DARS1: variants seen among roughly 807,000 people sequenced by gnomAD.
DARS1 encodes aspartyl-tRNA synthetase 1, also known as aspartate--tRNA ligase, cytoplasmic.
A neutral mutation model predicts 68.8 loss-of-function variants in DARS1; 51 were observed. That is an observed-to-expected ratio of 0.74 (90% CI 0.59 to 0.94). The LOEUF is 0.94. Among genes scored for constraint, DARS1 ranks in the 40% least tolerant of loss-of-function variants. The pLI, the probability that DARS1 is intolerant of heterozygous loss-of-function variation, is 0.00. For missense variants in DARS1, 607 were observed against 597.3 expected (o/e 1.02, Z -0.17); for synonymous variants, 203 against 190.4 (o/e 1.07, Z -0.55).
rs529812760 is a variant in DARS1 at position 135,934,322 on chromosome 2, C to CA, written c.424-333dup. Among the ~76,000 whole-genome samples the CA allele has an allele frequency of 4.6e-5, 7 of 152,118 alleles. No individual in the cohort carries two copies. The East Asian group carries it at 1.4e-3, about 29-fold the overall frequency. On this transcript the variant is annotated intron_variant, in intron 5 of 15. Coordinates refer to ENST00000264161, the MANE Select transcript of DARS1 (RefSeq NM_001349.4). ...GCACTGGCTTACGGTCTAGCTATGT[C>CA]AAAAAAGCTATGGTTAGGGGTTGGT... is the stretch of plus-strand genomic sequence containing the variant.
At chr2:135,967,374 T>A (rs1263822695) in intron 3 of DARS1, among the ~76,000 whole-genome samples, 1 of 152,194 alleles carries the variant, frequency 6.6e-6, no homozygotes, top group African/African-American at 2.4e-5. Context: ...GCTGAAATAA[T>A]TATTTTGTGC....
intron 3 of DARS1, among the ~76,000 whole-genome samples, chr2:135,978,481 T>C (rs1185574015): frequency 6.6e-6 from 1 of 152,256 alleles, no homozygotes; most frequent in Non-Finnish European, 1.5e-5. Flanking sequence ...ATGCTTGTTC[T>C]GCCTACTTCA....
In DARS1 at chr2:135,985,592, TCG is replaced by T. The variant is rs1182532128; in HGVS notation, c.-126_-125del. On this transcript the variant is annotated 5_prime_UTR_variant, in exon 1 of 16. Transcript: ENST00000264161. ...GACCCTGGGGTCTCAGCACACGCGC[TCG>T]GACTCCGCGTGGAGGTGCGGCTCCA... 5.2e-6 allele frequency: 8 copies of T among 1,548,974 alleles called. No individual in the cohort carries two copies. Among genetic ancestry groups the T allele is most frequent in the Non-Finnish European group, 7.0e-6 (8 of 1,143,458 alleles).
At position 135,961,468 on chromosome 2, in the gene DARS1, T is replaced by C. The variant is rs1456919065; in HGVS notation, c.248A>G (p.Gln83Arg). 4 of 1,538,566 alleles carry C rather than the reference T, an allele frequency of 2.6e-6. No individual in the cohort carries two copies. Among genetic ancestry groups the C allele is most frequent in the Non-Finnish European group, 3.6e-6 (4 of 1,110,894 alleles). Residue 83 changes from glutamine (Q) to arginine (R), a missense_variant, in exon 4 of 16, where the codon CAG (glutamine) becomes CGG (arginine). By Grantham distance (43) the Gln-to-Arg change is conservative. Coordinates refer to ENST00000264161, the MANE Select transcript of DARS1 (RefSeq NM_001349.4). ...GKQCFLVLRQ[Q>R]QFNVQALVAV... ...CACAAGAGCCTGGACATTAAACTGCTGCTGACGTAGGACTAAGAAGCACTG... is the reference window on the plus strand; with the variant it reads ...CACAAGAGCCTGGACATTAAACTGCCGCTGACGTAGGACTAAGAAGCACTG...
intron 10 of DARS1, among the ~76,000 whole-genome samples, chr2:135,917,027 A>G (rs1177504251): frequency 6.6e-6 from 1 of 152,042 alleles, no homozygotes; most frequent in Non-Finnish European, 1.5e-5. Context: ...TCTCTACTAA[A>G]ACTACAAAAA....
At chr2:135,933,429 T>G (rs1192723298) in intron 6 of DARS1, among the ~76,000 whole-genome samples, 1 of 152,194 alleles carries the variant, frequency 6.6e-6, no homozygotes, top group East Asian at 1.9e-4. Context: ...TCACAAAGAA[T>G]TGTGGTTATA....
intron 3 of DARS1, 131 bp from the exon 4 acceptor site, chr2:135,961,629 T>C: frequency 3.5e-6 from 2 of 573,188 alleles, no homozygotes; most frequent in South Asian, 4.8e-5. Context: ...TGCATGTGTA[T>C]ACTATCCATT....
At chr2:135,912,409 C>T (rs546726456) in intron 13 of DARS1, 77 bp downstream of exon 13, 1 of 621,880 alleles carries the variant, frequency 1.6e-6, no homozygotes, top group South Asian at 2.2e-5. Flanking sequence ...AACCATTATT[C>T]CTATTATACA....
At chr2:135,938,079 G>A (rs1681509306) in intron 5 of DARS1, among the ~76,000 whole-genome samples, 1 of 152,230 alleles carries the variant, frequency 6.6e-6, no homozygotes. Flanking sequence ...ATCCTGAAGA[G>A]TGTTTTCCAA....
At chr2:135,914,309 A>G (rs1680958411) in intron 12 of DARS1, among the ~76,000 whole-genome samples, 160 bp downstream of exon 12, 1 of 152,212 alleles carries the variant, frequency 6.6e-6, no homozygotes, top group African/African-American at 2.4e-5. Flanking sequence ...ATATTTCTCA[A>G]TTTTCTAAGA....
rs138191698 is a variant in DARS1, at chr2:135,984,519, G to A, written c.66+884C>T. Among the ~76,000 whole-genome samples, 501 of 152,304 alleles carry A rather than the reference G, an allele frequency of 3.3e-3. 3 individuals are homozygous for A. Among genetic ancestry groups the A allele is most frequent in the Admixed American group, 5.2e-3 (80 of 15,302 alleles). ...GAAAAAGATAACCCTGGCCAGAGTA[G>A]AGAGATACAGTCACACAATGAAGCC... On this transcript the variant is annotated intron_variant, in intron 1 of 15. Transcript: ENST00000264161.
intron 4 of DARS1, among the ~76,000 whole-genome samples, chr2:135,953,831 T>A (rs1266586851): frequency 6.6e-6 from 1 of 152,178 alleles, no homozygotes; most frequent in African/African-American, 2.4e-5. Context: ...TTGGAATTTT[T>A]AGCAGGAATT....
intron 15 of DARS1, among the ~76,000 whole-genome samples, chr2:135,909,814 C>T (rs1680859899): frequency 6.6e-6 from 1 of 151,984 alleles, no homozygotes; most frequent in African/African-American, 2.4e-5. Context: ...TTTGAGTATT[C>T]CTAATATGAA....
chr2:135,964,884 T>C (rs1425439763), intron 3 of DARS1, among the ~76,000 whole-genome samples: 2 of 143,810 alleles, frequency 1.4e-5, no homozygotes, highest in Admixed American at 1.4e-4. Context: ...ATGTTCACTA[T>C]ACCCTTTAAA....
chr2:135,965,204 C>T (rs187951651), intron 3 of DARS1, among the ~76,000 whole-genome samples: 13 of 152,078 alleles, frequency 8.5e-5, no homozygotes, highest in African/African-American at 3.1e-4. Context: ...TAAACTATAT[C>T]ACGGAGGAAG....
At chr2:135,912,424 G>T in intron 13 of DARS1, 62 bp downstream of exon 13, 2 of 712,526 alleles carry the variant, frequency 2.8e-6, no homozygotes, top group South Asian at 1.6e-5. Context: ...TATACAATCT[G>T]ACAGTGACAA....
At chr2:135,976,024 A>G (rs1445549165) in intron 3 of DARS1, among the ~76,000 whole-genome samples, 1 of 152,212 alleles carries the variant, frequency 6.6e-6, no homozygotes, top group Non-Finnish European at 1.5e-5. Context: ...ACCTGATTTA[A>G]TTCTATAATG....
chr2:135,956,803 G>A (rs928450183), intron 4 of DARS1, among the ~76,000 whole-genome samples: 2 of 151,934 alleles, frequency 1.3e-5, no homozygotes, highest in Non-Finnish European at 2.9e-5. Context: ...CTACTCTGTC[G>A]CCCAGTCTGG....
chr2:135,923,435 G>A (rs1259023065), intron 8 of DARS1, among the ~76,000 whole-genome samples: 5 of 151,906 alleles, frequency 3.3e-5, no homozygotes, highest in African/African-American at 4.8e-5. Context: ...GACTACAGGC[G>A]TCAACCACCG....
Sources: allele counts gnomAD v4.1 joint callset (sites outside exome capture counted in the v4.1 genomes callset), GRCh38; gene constraint gnomAD v4.1.1; transcripts MANE v1.5; gene names NCBI Gene and HGNC (gene_info 2026-07-23, HGNC 2026-07-21).